The following PLCH1 variants were observed in gnomAD, a reference collection of about 807,000 sequenced individuals.
The protein encoded by PLCH1 is 1-phosphatidylinositol 4,5-bisphosphate phosphodiesterase eta-1.
PLCH1 carries 60 observed loss-of-function variants against 126.7 expected under a neutral mutation model. The observed-to-expected ratio is 0.47, with a 90% CI of 0.38 to 0.59. The LOEUF (loss-of-function observed/expected upper bound fraction) is 0.59. Ranked by LOEUF, PLCH1 falls within the 20% of genes least tolerant of loss-of-function variation. The pLI, the probability that PLCH1 is intolerant of heterozygous loss-of-function variation, is 0.00. For synonymous variants in PLCH1, 719 were observed against 734.9 expected, an observed-to-expected ratio of 0.98 and a Z score of 0.35; for missense variants, 1,723 against 2,040.0, an observed-to-expected ratio of 0.84 and a Z score of 2.99.
chr3:155,510,851 G>C (rs1204252992), intron 12 of PLCH1, among the ~76,000 whole-genome samples: 1 of 91,194 alleles, frequency 1.1e-5, no homozygotes, highest in Non-Finnish European at 2.0e-5. Flanking sequence ...TGCTCTTCTC[G>C]AGGAGTATCT....
intron 2 of PLCH1, among the ~76,000 whole-genome samples, chr3:155,683,388 C>A (rs187617543): frequency 6.6e-4 from 100 of 152,286 alleles, no homozygotes; most frequent in Non-Finnish European, 1.2e-3. Flanking sequence ...AAAATAAAAT[C>A]TCTCATAGAC....
At chr3:155,743,679 A>C (rs1749784417) in intron 1 of PLCH1, 1 of 375,252 alleles carries the variant, frequency 2.7e-6, no homozygotes, top group African/African-American at 2.2e-5. Flanking sequence ...TCTTCTGGGA[A>C]ATCCTTTGTT....
rs201841681 is a variant in PLCH1 at position 155,504,541 on chromosome 3, C to T, written c.1704+14G>A. 4.1e-6 allele frequency: 6 copies of T among 1,453,274 alleles called. No homozygotes were observed. Among genetic ancestry groups the T allele is most frequent in the Non-Finnish European group, 5.8e-6 (6 of 1,033,904 alleles). 90.0% of individuals were successfully genotyped at this position (1,453,274 alleles called of 1,614,324 possible). On this transcript the variant is annotated intron_variant, in intron 13 of 22. Coordinates refer to ENST00000460012, the MANE Select transcript of PLCH1 (RefSeq NM_014996.4). The stretch of plus-strand genomic sequence containing the variant: ...TTAACTGAAGTATGCATAGTTATTA[C>T]TCTTAATTCATACCTTATGTTTTCC...
intron 1 of PLCH1, among the ~76,000 whole-genome samples, chr3:155,737,488 T>C (rs967216243): frequency 1.3e-5 from 2 of 151,762 alleles, no homozygotes; most frequent in African/African-American, 4.8e-5. Context: ...TGAGCCACCA[T>C]GCCCTGCCCT....
At chr3:155,475,490 T>A (rs1713502298), downstream of PLCH1, among the ~76,000 whole-genome samples, 1 of 151,850 alleles carries the variant, frequency 6.6e-6, no homozygotes, top group African/African-American at 2.4e-5. Context: ...ATAAACAACA[T>A]TAGAGTGGGA....
intron 11 of PLCH1, among the ~76,000 whole-genome samples, chr3:155,516,965 A>G (rs1481522614): frequency 6.6e-6 from 1 of 152,158 alleles, no homozygotes; most frequent in Non-Finnish European, 1.5e-5. Context: ...GGACAATTCC[A>G]GGAGCATAAG....
intron 1 of PLCH1, among the ~76,000 whole-genome samples, chr3:155,728,929 T>G (rs1341066335): frequency 6.6e-6 from 1 of 152,204 alleles, no homozygotes; most frequent in Non-Finnish European, 1.5e-5. Flanking sequence ...CTGAAGATGT[T>G]TCTTGATGAC....
intron 2 of PLCH1, among the ~76,000 whole-genome samples, chr3:155,629,160 T>C (rs1737723697): frequency 6.6e-6 from 1 of 152,218 alleles, no homozygotes; most frequent in Non-Finnish European, 1.5e-5. Flanking sequence ...ACATTAGGCT[T>C]TCAACAAATA....
chr3:155,499,324 A>G (rs919142697), intron 14 of PLCH1, among the ~76,000 whole-genome samples: 3 of 152,184 alleles, frequency 2.0e-5, no homozygotes, highest in Non-Finnish European at 4.4e-5. Context: ...AAATCAATAG[A>G]AAAAAGAACG....
At chr3:155,620,398 T>TATG (rs1736318573) in intron 2 of PLCH1, among the ~76,000 whole-genome samples, 1 of 152,182 alleles carries the variant, frequency 6.6e-6, no homozygotes, top group African/African-American at 2.4e-5. Flanking sequence ...GAGATTACCC[T>TATG]ATGATTGGTG....
At chr3:155,629,147 T>A (rs182839243) in intron 2 of PLCH1, among the ~76,000 whole-genome samples, 2 of 152,352 alleles carry the variant, frequency 1.3e-5, no homozygotes, top group East Asian at 3.9e-4. Flanking sequence ...CAATTTTGCA[T>A]ACACATTAGG....
intron 10 of PLCH1, among the ~76,000 whole-genome samples, chr3:155,541,875 C>A (rs1251331011): frequency 3.3e-5 from 5 of 151,934 alleles, no homozygotes; most frequent in Non-Finnish European, 7.4e-5. Context: ...AAGTAAAATA[C>A]AATAAAATGA....
chr3:155,691,765 C>G (rs887882342), intron 2 of PLCH1, among the ~76,000 whole-genome samples: 1 of 152,210 alleles, frequency 6.6e-6, no homozygotes, highest in Admixed American at 6.5e-5. Flanking sequence ...ATATTTCTTT[C>G]TGTGCCAATT....
At chr3:155,537,685 G>T (rs1723630421) in intron 10 of PLCH1, among the ~76,000 whole-genome samples, 1 of 151,970 alleles carries the variant, frequency 6.6e-6, no homozygotes, top group African/African-American at 2.4e-5. Context: ...AACTAGTCCA[G>T]CAGGAAAATA....
chr3:155,609,861 A>T (rs1266096847), intron 2 of PLCH1, among the ~76,000 whole-genome samples: 1 of 152,056 alleles, frequency 6.6e-6, no homozygotes, highest in African/African-American at 2.4e-5. Flanking sequence ...AAAGAATTTT[A>T]AAAAAGAACA....
chr3:155,480,943 C>G lies in PLCH1; in HGVS notation c.*25G>C. On this transcript the variant is annotated 3_prime_UTR_variant, in exon 23 of 23. Coordinates refer to ENST00000460012, the MANE Select transcript of PLCH1 (RefSeq NM_014996.4). ...GACATTCTACAGAATACCTTGAAAACCTTAAGAATGCAGTTTTAAATAATT... is the reference window on the plus strand; with the variant it reads ...GACATTCTACAGAATACCTTGAAAAGCTTAAGAATGCAGTTTTAAATAATT... The G allele has an allele frequency of 6.6e-7, 1 of 1,524,372 alleles. No homozygotes were observed. Among genetic ancestry groups the G allele is most frequent in the Non-Finnish European group, 8.9e-7 (1 of 1,127,760 alleles). The allele number at this position is 1,524,372 out of a possible 1,614,324, so 94.4% of individuals were successfully genotyped here.
chr3:155,630,601 C>T (rs1737910037), intron 2 of PLCH1, among the ~76,000 whole-genome samples: 1 of 152,130 alleles, frequency 6.6e-6, no homozygotes, highest in Non-Finnish European at 1.5e-5. Context: ...TGGCATATAC[C>T]GTCTACATTT....
chr3:155,479,642 T>C (rs2107991665), downstream of PLCH1, among the ~76,000 whole-genome samples: 1 of 151,046 alleles, frequency 6.6e-6, no homozygotes, highest in Admixed American at 6.6e-5. Flanking sequence ...ATTTTTAAAC[T>C]TGCAATAGCA....
chr3:155,495,735 C>T (rs886960386), intron 15 of PLCH1, among the ~76,000 whole-genome samples: 2 of 152,070 alleles, frequency 1.3e-5, no homozygotes, highest in East Asian at 3.8e-4. Context: ...ATGATACTCC[C>T]GAGTTAGAAG....
Sources: allele counts gnomAD v4.1 joint callset (sites outside exome capture counted in the v4.1 genomes callset), GRCh38; gene constraint gnomAD v4.1.1; transcripts MANE v1.5; gene names NCBI Gene and HGNC (gene_info 2026-07-23, HGNC 2026-07-21).